The following IL6ST variants were observed in gnomAD, a reference collection of about 807,000 sequenced individuals.
IL6ST encodes the protein interleukin-6 receptor subunit beta.
In IL6ST, 24 loss-of-function variants were observed where a neutral mutation model predicts 91.3. The ratio of observed to expected loss-of-function variants is 0.26; its 90% CI spans 0.19 to 0.37. The LOEUF (loss-of-function observed/expected upper bound fraction) is 0.37, where lower values mean the gene tolerates loss of function less well. Among genes scored for constraint, IL6ST ranks in the 10% least tolerant of loss-of-function variants. The probability of loss-of-function intolerance (pLI) is 1.00; values close to 1 mark genes in which losing one functional copy is unlikely to be tolerated. For missense variants in IL6ST, 914 were observed against 1,078.5 expected, an observed-to-expected ratio of 0.85 and a Z score of 2.14; for synonymous variants, 351 against 373.6, an observed-to-expected ratio of 0.94 and a Z score of 0.70.
At chr5:55,965,865 T>G (rs980856719) in intron 5 of IL6ST, among the ~76,000 whole-genome samples, 1 of 150,276 alleles carries the variant, frequency 6.7e-6, no homozygotes, top group Admixed American at 6.6e-5. Flanking sequence ...AAACTGCCAC[T>G]GATCAAAGAT....
At chr5:55,955,870 A>G in intron 10 of IL6ST, 155 bp downstream of exon 10, 1 of 445,074 alleles carries the variant, frequency 2.2e-6, no homozygotes, top group Non-Finnish European at 3.9e-6. Flanking sequence ...GAAAATCATT[A>G]TTTATAAAAT....
intron 3 of IL6ST, among the ~76,000 whole-genome samples, chr5:55,975,728 T>C (rs1394928007): frequency 4.6e-5 from 7 of 152,116 alleles, no homozygotes; most frequent in Non-Finnish European, 7.4e-5. Flanking sequence ...GTAATCAGCA[T>C]GCACAGGGTT....
Position 55,937,007 on chromosome 5 carries a change from C to A in IL6ST, c.*4075G>T, listed in dbSNP as rs888222556. On this transcript the variant is annotated 3_prime_UTR_variant, in exon 17 of 17. Coordinates refer to ENST00000381298, the MANE Select transcript of IL6ST (RefSeq NM_002184.4). ...TATTCAATACACATACATATTGAGA[C>A]TAGAGAATTTTCAAATATCTACCTT... 8.5e-5 allele frequency: 17 copies of A among 200,452 alleles called. No homozygotes were observed. The highest frequency in any genetic ancestry group is 1.8e-4 in the Admixed American group (3 of 16,560). 12.4% of individuals were successfully genotyped at this position (200,452 alleles called of 1,614,324 possible).
At chr5:55,985,341 CCT>C (rs1753902246) in intron 1 of IL6ST, among the ~76,000 whole-genome samples, 1 of 151,704 alleles carries the variant, frequency 6.6e-6, no homozygotes, top group Admixed American at 6.6e-5. Flanking sequence ...ATGGTGAAAC[CCT>C]GTCTCTACTA....
At chr5:55,962,103 A>T (rs187017144) in intron 7 of IL6ST, among the ~76,000 whole-genome samples, 1 of 152,372 alleles carries the variant, frequency 6.6e-6, no homozygotes, top group East Asian at 1.9e-4. Context: ...TTAGTATTAG[A>T]TACAAAATAA....
chr5:55,952,412 G>A lies in IL6ST; in HGVS notation c.1451-61C>T, dbSNP rs111767547. 4.5e-3 allele frequency: 4,021 copies of A among 893,224 alleles called. 27 individuals are homozygous for A. The highest frequency in any genetic ancestry group is 6.9e-3 in the Middle Eastern group (25 of 3,618). 55.3% of individuals were successfully genotyped at this position (893,224 alleles called of 1,614,324 possible). ...ATAATGAAAAAGTCAAGTTAATACCGTAATTTATTTTTACATTATAATTTC... is the reference window on the plus strand; with the variant it reads ...ATAATGAAAAAGTCAAGTTAATACCATAATTTATTTTTACATTATAATTTC... On this transcript the variant is annotated intron_variant, in intron 11 of 16. Coordinates refer to ENST00000381298, the MANE Select transcript of IL6ST (RefSeq NM_002184.4).
rs71602925 is a variant in IL6ST, at chr5:55,947,592, TAAAAAAAAA to T, written c.1841-12_1841-4del. 392 of 391,964 alleles carry T rather than the reference TAAAAAAAAA, an allele frequency of 1.0e-3. No individual in the cohort carries two copies. The highest frequency in any genetic ancestry group is 4.3e-3 in the South Asian group (119 of 27,562). 24.3% of individuals were successfully genotyped at this position (391,964 alleles called of 1,614,324 possible). On this transcript the variant is annotated splice_polypyrimidine_tract_variant and splice_region_variant and intron_variant, in intron 14 of 16. Coordinates refer to ENST00000381298, the MANE Select transcript of IL6ST (RefSeq NM_002184.4). ...TATGGCTTCAATTTCTCCTTGAGCT[TAAAAAAAAA>T]AAAAAAAAAAAAAAAAGAGGTGTGA...
chr5:55,964,105 TAC>T (rs1283059719), intron 6 of IL6ST, 39 bp downstream of exon 6: 3 of 1,067,492 alleles, frequency 2.8e-6, no homozygotes, highest in East Asian at 5.5e-5. Context: ...TGTAAACGAC[TAC>T]AGTGTCAAAT....
chr5:55,953,893 A>C (rs556139025), intron 11 of IL6ST, among the ~76,000 whole-genome samples: 7 of 152,332 alleles, frequency 4.6e-5, no homozygotes. Flanking sequence ...AGGATGAGGC[A>C]GAAGGGTCAC....
intron 2 of IL6ST, among the ~76,000 whole-genome samples, chr5:55,978,929 C>T (rs768337061): frequency 3.9e-4 from 59 of 152,080 alleles, no homozygotes; most frequent in Non-Finnish European, 3.7e-4. Context: ...AAGACATCTA[C>T]AAGAATGTTT....
intron 1 of IL6ST, among the ~76,000 whole-genome samples, chr5:55,983,342 G>A (rs764844511): frequency 2.6e-5 from 4 of 152,138 alleles, no homozygotes; most frequent in Non-Finnish European, 5.9e-5. Flanking sequence ...CACACCTAAT[G>A]CAAACTTCCC....
Position 55,941,746 on chromosome 5 carries a change from G to C in IL6ST, c.2093C>G (p.Ala698Gly). 6.2e-7 allele frequency: 1 copy of C among 1,613,808 alleles called. No individual in the cohort carries two copies. Among genetic ancestry groups the C allele is most frequent in the Non-Finnish European group, 8.5e-7 (1 of 1,179,798 alleles). ...FTDVSVVEIE[A>G]NDKKPFPEDL... ...TTCTGGAAAAGGCTTTTTGTCATTT[G>C]CTTCTATTTCCACAACACTTACATC... The change falls in exon 17 of 17, where the codon GCA becomes GGA. Residue 698 changes from alanine (A) to glycine (G), a missense_variant. By Grantham distance (60) the Ala-to-Gly change is moderately conservative. Transcript: ENST00000381298.
rs71602925 is a variant in IL6ST at position 55,947,592 on chromosome 5, T to TAAAAAA, written c.1841-9_1841-4dup. 560 of 391,978 alleles carry TAAAAAA rather than the reference T, an allele frequency of 1.4e-3. 2 individuals carry two copies. The highest frequency in any genetic ancestry group is 1.8e-3 in the African/African-American group (38 of 21,134). 24.3% of individuals were successfully genotyped at this position (391,978 alleles called of 1,614,324 possible). On this transcript the variant is annotated splice_polypyrimidine_tract_variant and splice_region_variant and intron_variant, in intron 14 of 16. Coordinates refer to ENST00000381298, the MANE Select transcript of IL6ST (RefSeq NM_002184.4). ...TATGGCTTCAATTTCTCCTTGAGCT[T>TAAAAAA]AAAAAAAAAAAAAAAAAAAAAAAAA... is the stretch of plus-strand genomic sequence containing the variant.
chr5:55,954,981 C>T lies in IL6ST; in HGVS notation c.1279G>A (p.Val427Ile). ...TTGGGGAATGCTTTAAGATCCATTA[C>T]AGGGTGAGTAGCTTTAAAACAAAGT... is the stretch of plus-strand genomic sequence containing the variant. ...PACDFQATHPVMDLKAFPKDN... is the reference protein window; with the variant it reads ...PACDFQATHPIMDLKAFPKDN... The change falls in exon 11 of 17, where the codon GTA (valine) becomes ATA (isoleucine). Residue 427 changes from valine (V) to isoleucine (I), a missense_variant. Transcript: ENST00000381298. 6.3e-7 allele frequency: 1 copy of T among 1,598,562 alleles called. No individual in the cohort carries two copies. Among genetic ancestry groups the T allele is most frequent in the Non-Finnish European group, 8.5e-7 (1 of 1,172,686 alleles).
intron 14 of IL6ST, among the ~76,000 whole-genome samples, chr5:55,949,374 C>G (rs945335012): frequency 6.6e-6 from 1 of 152,082 alleles, no homozygotes; most frequent in Admixed American, 6.6e-5. Context: ...ACTTGGGAGG[C>G]TGAGGCAGGA....
chr5:55,974,042 A>G (rs1753122116), intron 3 of IL6ST, among the ~76,000 whole-genome samples: 1 of 152,206 alleles, frequency 6.6e-6, no homozygotes, highest in African/African-American at 2.4e-5. Context: ...TAACTCATGT[A>G]AAAACCACCT....
chr5:55,964,219 T>G lies in IL6ST; in HGVS notation c.585A>C (p.Glu195Asp). 6.2e-7 allele frequency: 1 copy of G among 1,611,022 alleles called. No individual in the cohort carries two copies. The highest frequency in any genetic ancestry group is 8.5e-7 in the Non-Finnish European group (1 of 1,177,920). ...GGGCATTCTCTGCTTCTACCCAGAC[T>G]TCAATGTTGACAAAATACACAGTAG... ...DYSTVYFVNIEVWVEAENALG... is the reference protein window; with the variant it reads ...DYSTVYFVNIDVWVEAENALG... The change falls in exon 6 of 17, where the codon GAA becomes GAC. Residue 195 changes from glutamate to aspartate, a missense_variant. Physicochemically the swap from Glu to Asp is conservative, Grantham distance 45. Transcript: ENST00000381298.
intron 3 of IL6ST, among the ~76,000 whole-genome samples, chr5:55,970,477 AG>A (rs2111819204): frequency 6.6e-6 from 1 of 152,294 alleles, no homozygotes; most frequent in East Asian, 1.9e-4. Context: ...GCTCGAGCTC[AG>A]GAGTTTGAAA....
In IL6ST at chr5:55,969,843, T is replaced by C. The variant is rs867963101; in HGVS notation, c.77A>G (p.Asp26Gly). ...LTTESTGELL[D>G]PCGYISPESP... The stretch of plus-strand genomic sequence containing the variant: ...TTCAGGACTGATATAACCACATGGA[T>C]CTAGAAGTTCACCTAAAAAGGAACA... Residue 26 changes from aspartate to glycine, a missense_variant, in exon 4 of 17, where the codon GAT becomes GGT. By Grantham distance (94) the Asp-to-Gly change is moderately conservative (BLOSUM62 -1). Coordinates refer to ENST00000381298, the MANE Select transcript of IL6ST (RefSeq NM_002184.4). 2 of 1,586,666 alleles carry C rather than the reference T, an allele frequency of 1.3e-6. No individual in the cohort carries two copies. The highest frequency in any genetic ancestry group is 2.7e-5 in the African/African-American group (2 of 73,860).
Sources: gnomAD v4.1 joint callset for allele counts (sites outside exome capture counted in the v4.1 genomes callset) on GRCh38, gnomAD v4.1.1 for gene constraint, MANE v1.5 for transcripts, NCBI Gene and HGNC (gene_info 2026-07-23, HGNC 2026-07-21) for gene names.